The following MRPL1 variants were observed in gnomAD, a reference collection of about 807,000 sequenced individuals.
MRPL1 encodes mitochondrial ribosomal protein L1.
Under a neutral mutation model 38.0 loss-of-function variants are expected in MRPL1, and 28 were observed. The ratio of observed to expected loss-of-function variants is 0.74; its 90% CI spans 0.55 to 1.01. The LOEUF (loss-of-function observed/expected upper bound fraction) is 1.01. Among genes scored for constraint, MRPL1 ranks in the 50% least tolerant of loss-of-function variants. MRPL1 has a pLI of 0.00. For missense variants in MRPL1, 358 were observed against 389.8 expected, an observed-to-expected ratio of 0.92 and a Z score of 0.69; for synonymous variants, 123 against 126.7, an observed-to-expected ratio of 0.97 and a Z score of 0.20.
At chr4:77,947,009 GA>G (rs1190922079) in intron 7 of MRPL1, among the ~76,000 whole-genome samples, 1 of 96,380 alleles carries the variant, frequency 1.0e-5, no homozygotes, top group Non-Finnish European at 2.2e-5. Context: ...ATCTCAATGG[GA>G]CAAAAAAAAA....
intron 7 of MRPL1, among the ~76,000 whole-genome samples, chr4:77,934,620 A>C (rs1478449542): frequency 6.6e-6 from 1 of 152,214 alleles, no homozygotes; most frequent in Non-Finnish European, 1.5e-5. Flanking sequence ...GCTATGAAAA[A>C]CAATATGGCA....
intron 7 of MRPL1, among the ~76,000 whole-genome samples, chr4:77,931,834 C>T (rs946089004): frequency 2.6e-5 from 4 of 151,988 alleles, no homozygotes; most frequent in South Asian, 2.1e-4. Context: ...AAATGTCACC[C>T]GAACTTCAAA....
intron 7 of MRPL1, among the ~76,000 whole-genome samples, chr4:77,940,483 A>G (rs1737096065): frequency 6.6e-6 from 1 of 152,192 alleles, no homozygotes. Flanking sequence ...TGATCATATC[A>G]TCAGCAAACA....
chr4:77,942,904 T>A (rs930929931), intron 7 of MRPL1, among the ~76,000 whole-genome samples: 2 of 152,218 alleles, frequency 1.3e-5, no homozygotes, highest in Non-Finnish European at 2.9e-5. Flanking sequence ...GAGGTACTAT[T>A]CTATTCATTG....
chr4:77,936,602 C>T (rs1736986100), intron 7 of MRPL1, among the ~76,000 whole-genome samples: 1 of 152,164 alleles, frequency 6.6e-6, no homozygotes, highest in African/African-American at 2.4e-5. Flanking sequence ...TATGTATTGT[C>T]TATGATTTCT....
At chr4:77,863,323 A>C (rs1257066522) in intron 1 of MRPL1, among the ~76,000 whole-genome samples, 6 of 152,020 alleles carry the variant, frequency 3.9e-5, no homozygotes, top group African/African-American at 1.5e-4. Context: ...CCAGTTCTTA[A>C]ACTTCCATAG....
At chr4:77,863,578 T>C (rs1387091511) in intron 1 of MRPL1, among the ~76,000 whole-genome samples, 3 of 151,070 alleles carry the variant, frequency 2.0e-5, no homozygotes, top group African/African-American at 4.9e-5. Context: ...GCGATTCTCC[T>C]GCCTCGGCCT....
intron 2 of MRPL1, among the ~76,000 whole-genome samples, chr4:77,878,188 G>T (rs1203487087): frequency 1.3e-5 from 2 of 152,130 alleles, no homozygotes; most frequent in South Asian, 2.1e-4. Context: ...GTTCAGTCTC[G>T]CTCCGTCATG....
rs779531340 is a variant in MRPL1, at chr4:77,883,338, C to A, written c.240C>A (p.Gly80=). 1 of 1,613,326 alleles carries A rather than the reference C, an allele frequency of 6.2e-7. No individual in the cohort carries two copies. The highest frequency in any genetic ancestry group is 1.7e-5 in the Admixed American group (1 of 59,994). The change falls in exon 3 of 9, where the codon GGC becomes GGA. Residue 80 remains glycine, a synonymous_variant. Coordinates refer to ENST00000315567, the MANE Select transcript of MRPL1 (RefSeq NM_020236.4). ...TAAAAGCATATCCCTATATGGAAGG[C>A]GAACCTGAGGATGATGTCTATTTAA... The part of the protein sequence containing the change: ...EKIKAYPYME[G]EPEDDVYLKR...
intron 7 of MRPL1, among the ~76,000 whole-genome samples, chr4:77,927,488 T>TGA (rs1736740384): frequency 1.3e-5 from 2 of 152,156 alleles, no homozygotes; most frequent in Non-Finnish European, 2.9e-5. Context: ...CAGATTCCTG[T>TGA]TAGTATACTA....
At chr4:77,932,647 A>G (rs191077349) in intron 7 of MRPL1, among the ~76,000 whole-genome samples, 72 of 152,046 alleles carry the variant, frequency 4.7e-4, no homozygotes, top group African/African-American at 1.6e-3. Flanking sequence ...ACTGTCTCCC[A>G]TCCTCCCCAG....
At position 77,925,150 on chromosome 4, in the gene MRPL1, A is replaced by C. The variant is rs533210597; in HGVS notation, c.777+15778A>C. ...TTTCTAAACCACTTGAAAGTAAGTAACAGGCATTGTAGTACTTCACCCGTA... is the reference window on the plus strand; with the variant it reads ...TTTCTAAACCACTTGAAAGTAAGTACCAGGCATTGTAGTACTTCACCCGTA... On this transcript the variant is annotated intron_variant, in intron 7 of 8. Coordinates refer to ENST00000315567, the MANE Select transcript of MRPL1 (RefSeq NM_020236.4). Among the ~76,000 whole-genome samples, 175 of 152,336 alleles carry C rather than the reference A, an allele frequency of 1.1e-3. 1 individual carries two copies. Among genetic ancestry groups the C allele is most frequent in the African/African-American group, 4.2e-3 (173 of 41,570 alleles).
At chr4:77,902,083 C>T (rs1195625608) in intron 6 of MRPL1, among the ~76,000 whole-genome samples, 2 of 152,070 alleles carry the variant, frequency 1.3e-5, no homozygotes, top group Non-Finnish European at 2.9e-5. Context: ...AATGAAAAAG[C>T]CCACTAGTAA....
intron 2 of MRPL1, among the ~76,000 whole-genome samples, chr4:77,881,641 A>G (rs1185735704): frequency 2.0e-5 from 3 of 151,916 alleles, no homozygotes; most frequent in South Asian, 2.1e-4. Context: ...GGGTCTTGCT[A>G]TATTGCCCAG....
intron 7 of MRPL1, among the ~76,000 whole-genome samples, chr4:77,943,863 T>G (rs1188050853): frequency 6.6e-6 from 1 of 152,206 alleles, no homozygotes; most frequent in Admixed American, 6.5e-5. Flanking sequence ...CCTTCTGAAT[T>G]CTTTTCCTGG....
intron 2 of MRPL1, 105 bp from the exon 3 acceptor site, chr4:77,883,137 A>G (rs1055487949): frequency 1.5e-5 from 11 of 722,454 alleles, no homozygotes; most frequent in Non-Finnish European, 2.1e-5. Context: ...GAATTAAAAT[A>G]TAATTCATCC....
chr4:77,862,874 G>GT lies in MRPL1; in HGVS notation c.27dup (p.Arg10Ter). 6.2e-7 allele frequency: 1 copy of GT among 1,614,180 alleles called. No homozygotes were observed. The highest frequency in any genetic ancestry group is 2.2e-5 in the East Asian group (1 of 44,880). ...ATGGCGGCGGCCGTAAGGTGCATGG[G>GT]TAGAGGTAAGGCGAGGGGTTGTCTT... On this transcript the variant is annotated frameshift_variant, in exon 1 of 9. Transcript: ENST00000315567. LOFTEE classifies it high-confidence loss of function.
intron 6 of MRPL1, among the ~76,000 whole-genome samples, chr4:77,905,603 A>G (rs1276186587): frequency 6.6e-6 from 1 of 152,086 alleles, no homozygotes; most frequent in African/African-American, 2.4e-5. Flanking sequence ...GACAAAGAAG[A>G]AGGAATATAC....
intron 7 of MRPL1, among the ~76,000 whole-genome samples, chr4:77,911,836 T>C (rs1253119306): frequency 6.6e-6 from 1 of 152,106 alleles, no homozygotes. Flanking sequence ...GATGTAACAA[T>C]TGCAAACTAA....
Sources: allele counts gnomAD v4.1 joint callset (sites outside exome capture counted in the v4.1 genomes callset), GRCh38; gene constraint gnomAD v4.1.1; transcripts MANE v1.5; gene names NCBI Gene and HGNC (gene_info 2026-07-23, HGNC 2026-07-21).